The following NELL1 variants were observed in gnomAD, a reference collection of about 807,000 sequenced individuals.
The protein encoded by NELL1 is neural EGFL like 1, also known as protein kinase C-binding protein NELL1.
In NELL1, 76 loss-of-function variants were observed where a neutral mutation model predicts 107.4. The observed-to-expected ratio is 0.71, with a 90% CI of 0.59 to 0.86. The LOEUF (loss-of-function observed/expected upper bound fraction) is 0.86, where lower values mean the gene tolerates loss of function less well. NELL1 is among the 40% of genes least tolerant of loss of function. The pLI is 0.00. For missense variants in NELL1, 1,024 were observed against 1,005.5 expected, an observed-to-expected ratio of 1.02 and a Z score of -0.25; for synonymous variants, 353 against 341.2, an observed-to-expected ratio of 1.03 and a Z score of -0.38.
intron 15 of NELL1, among the ~76,000 whole-genome samples, chr11:21,441,330 C>CGTGTGTGTGTGTGTGTGTGTGTGTGTGT (rs201892977): frequency 7.1e-6 from 1 of 140,150 alleles, no homozygotes; most frequent in African/African-American, 2.5e-5. Context: ...GAGGCTGTGA[C>CGTGTGTGTGTGTGTGTGTGTGTGTGTGT]GTGTGTGTGT....
At chr11:21,179,041 C>G (rs1166519951) in intron 13 of NELL1, among the ~76,000 whole-genome samples, 1 of 151,664 alleles carries the variant, frequency 6.6e-6, no homozygotes, top group Non-Finnish European at 1.5e-5. Context: ...TTCGAATGAC[C>G]TCGGTTCTTC....
At chr11:20,862,811 C>A (rs923785419) in intron 4 of NELL1, among the ~76,000 whole-genome samples, 1 of 151,990 alleles carries the variant, frequency 6.6e-6, no homozygotes, top group Non-Finnish European at 1.5e-5. Context: ...TGACTCTCAA[C>A]GAGCATGCTG....
At chr11:21,300,076 A>G (rs141680084) in intron 14 of NELL1, among the ~76,000 whole-genome samples, 1,591 of 152,102 alleles carry the variant, frequency 0.01, 18 homozygotes, top group Middle Eastern at 0.027. Flanking sequence ...AGTGCTAGGA[A>G]GAAAGGAAAA....
intron 2 of NELL1, among the ~76,000 whole-genome samples, chr11:20,734,948 C>A (rs1320165449): frequency 6.6e-6 from 1 of 152,018 alleles, no homozygotes; most frequent in Non-Finnish European, 1.5e-5. Flanking sequence ...GGGGTGGGGT[C>A]TAGATAAGTT....
At chr11:21,201,763 T>G (rs1247084353) in intron 13 of NELL1, among the ~76,000 whole-genome samples, 1 of 152,184 alleles carries the variant, frequency 6.6e-6, no homozygotes, top group African/African-American at 2.4e-5. Flanking sequence ...GGCTGTAGGT[T>G]TGTCATAAAT....
intron 12 of NELL1, among the ~76,000 whole-genome samples, chr11:20,982,325 T>C (rs913786735): frequency 3.3e-5 from 5 of 152,172 alleles, no homozygotes; most frequent in African/African-American, 1.2e-4. Flanking sequence ...GGATAGTTTA[T>C]GGGTAGGAAA....
At chr11:20,871,062 T>C (rs1255207925) in intron 4 of NELL1, among the ~76,000 whole-genome samples, 2 of 152,198 alleles carry the variant, frequency 1.3e-5, no homozygotes, top group African/African-American at 2.4e-5. Context: ...AAAGCACCGC[T>C]TGGTAGTTAG....
chr11:21,374,828 G>T (rs112042051), intron 15 of NELL1, among the ~76,000 whole-genome samples: 3 of 151,374 alleles, frequency 2.0e-5, no homozygotes, highest in Non-Finnish European at 4.4e-5. Context: ...CTTATCTGAC[G>T]TTGAACAGCC....
chr11:21,430,891 A>G (rs946629620), intron 15 of NELL1, among the ~76,000 whole-genome samples: 1 of 152,186 alleles, frequency 6.6e-6, no homozygotes, highest in African/African-American at 2.4e-5. Flanking sequence ...CAACTTTAGT[A>G]TAGCTCTCAA....
At chr11:21,175,995 G>C (rs1856704216) in intron 13 of NELL1, among the ~76,000 whole-genome samples, 1 of 151,684 alleles carries the variant, frequency 6.6e-6, no homozygotes. Flanking sequence ...TCCAGGTTCA[G>C]GGGCTTTTCT....
Position 20,755,547 on chromosome 11 carries a change from TTTGTTTTTGTTTTTG to T in NELL1, c.185-28130_185-28116del, listed in dbSNP as rs1377005839. ...AGACCTGTGTGGGTTTTTGTTTTTT[TTTGTTTTTGTTTTTG>T]TTTTTTTTTTTTTGAGACAGAATCT... is the stretch of plus-strand genomic sequence containing the variant. On this transcript the variant is annotated intron_variant, in intron 2 of 19. Coordinates refer to ENST00000357134, the MANE Select transcript of NELL1 (RefSeq NM_006157.5). Among the ~76,000 whole-genome samples, 327 of 38,010 alleles carry T rather than the reference TTTGTTTTTGTTTTTG, an allele frequency of 8.6e-3. 9 individuals carry two copies. Among genetic ancestry groups the T allele is most frequent in the African/African-American group, 0.027 (306 of 11,168 alleles). The allele number at this position is 38,010 out of a possible 152,430, so 24.9% of individuals were successfully genotyped here.
intron 15 of NELL1, among the ~76,000 whole-genome samples, chr11:21,415,563 A>G (rs1269570832): frequency 2.0e-5 from 3 of 151,960 alleles, no homozygotes; most frequent in African/African-American, 4.8e-5. Flanking sequence ...CTTATCATTC[A>G]TTTCCTTTCA....
At chr11:20,782,294 G>A (rs933607412) in intron 2 of NELL1, among the ~76,000 whole-genome samples, 1 of 152,176 alleles carries the variant, frequency 6.6e-6, no homozygotes, top group Admixed American at 6.5e-5. Context: ...GTGCAGGTAG[G>A]TTTTATACTG....
chr11:21,128,613 G>A (rs1028907097), intron 13 of NELL1, among the ~76,000 whole-genome samples: 16 of 152,002 alleles, frequency 1.1e-4, no homozygotes, highest in Admixed American at 7.9e-4. Context: ...CAAGCAGATC[G>A]TCCATTTAAT....
intron 14 of NELL1, among the ~76,000 whole-genome samples, chr11:21,311,720 A>G (rs74928977): frequency 0.019 from 2,839 of 152,250 alleles, 90 homozygotes; most frequent in African/African-American, 0.066. Flanking sequence ...AATATCAGCT[A>G]GCATTTATTG....
chr11:20,956,662 A>C lies in NELL1; in HGVS notation c.1172-3770A>C, dbSNP rs568278691. On this transcript the variant is annotated intron_variant, in intron 11 of 19. Coordinates refer to ENST00000357134, the MANE Select transcript of NELL1 (RefSeq NM_006157.5). ...CTCCATCTCAAAAAAAAAAAAAAAA[A>C]ATTACTAATCTCATCCGTTCGCCAT... Among the ~76,000 whole-genome samples, 703 of 151,960 alleles carry C rather than the reference A, an allele frequency of 4.6e-3. 3 individuals are homozygous for C. Among genetic ancestry groups the C allele is most frequent in the Middle Eastern group, 0.02 (6 of 294 alleles).
intron 2 of NELL1, among the ~76,000 whole-genome samples, chr11:20,734,956 G>A (rs1313806106): frequency 2.0e-5 from 3 of 152,088 alleles, no homozygotes; most frequent in African/African-American, 7.2e-5. Context: ...GTCTAGATAA[G>A]TTTTAATAAT....
chr11:21,211,420 A>G (rs1001846623), intron 13 of NELL1, among the ~76,000 whole-genome samples: 9 of 152,162 alleles, frequency 5.9e-5, no homozygotes, highest in Non-Finnish European at 1.3e-4. Context: ...CACGTAGGTA[A>G]AGGCAAGAGC....
intron 15 of NELL1, among the ~76,000 whole-genome samples, chr11:21,506,060 A>T (rs1855270671): frequency 6.6e-6 from 1 of 152,198 alleles, no homozygotes. Context: ...AAACTGATTT[A>T]AAAAATCATT....
Sources: gnomAD v4.1 joint callset for allele counts (sites outside exome capture counted in the v4.1 genomes callset) on GRCh38, gnomAD v4.1.1 for gene constraint, MANE v1.5 for transcripts, NCBI Gene and HGNC (gene_info 2026-07-23, HGNC 2026-07-21) for gene names.